UBA3: variants seen among roughly 807,000 people sequenced by gnomAD.
UBA3 encodes NEDD8-activating enzyme E1 catalytic subunit.
Under a neutral mutation model 73.5 loss-of-function variants are expected in UBA3, and 26 were observed. The observed-to-expected ratio is 0.35, with a 90% confidence interval of 0.26 to 0.49. The LOEUF (loss-of-function observed/expected upper bound fraction) is 0.49. Among genes scored for constraint, UBA3 ranks in the 20% least tolerant of loss-of-function variants. The probability of loss-of-function intolerance (pLI) is 0.98; values close to 1 mark genes in which losing one functional copy is unlikely to be tolerated. For missense variants in UBA3, 495 were observed against 555.6 expected, an observed-to-expected ratio of 0.89 and a Z score of 1.10; for synonymous variants, 217 against 191.2, an observed-to-expected ratio of 1.13 and a Z score of -1.11.
chr3:69,068,140 G>A (rs2092089381), intron 5 of UBA3, 132 bp from the exon 6 acceptor site: 1 of 589,978 alleles, frequency 1.7e-6, no homozygotes, highest in East Asian at 3.4e-5. Context: ...TTTTGCCTAA[G>A]TATTTTGATT....
chr3:69,062,537 C>A (rs1479593628), intron 9 of UBA3, among the ~76,000 whole-genome samples: 1 of 152,078 alleles, frequency 6.6e-6, no homozygotes, highest in African/African-American at 2.4e-5. Flanking sequence ...TTAAGTGAAT[C>A]CCAAGTGAAT....
intron 6 of UBA3, among the ~76,000 whole-genome samples, chr3:69,064,944 T>G (rs565142288): frequency 6.6e-6 from 1 of 152,132 alleles, no homozygotes; most frequent in Non-Finnish European, 1.5e-5. Context: ...AAAGGGACAA[T>G]ACATGCTTCC....
At chr3:69,077,117 T>A (rs1166866134) in intron 3 of UBA3, among the ~76,000 whole-genome samples, 1 of 151,802 alleles carries the variant, frequency 6.6e-6, no homozygotes, top group Non-Finnish European at 1.5e-5. Flanking sequence ...CTTTTTTTTT[T>A]TTTTATTTTT....
chr3:69,077,619 C>G, intron 3 of UBA3, 179 bp downstream of exon 3: 1 of 647,164 alleles, frequency 1.5e-6, no homozygotes, highest in Non-Finnish European at 2.3e-6. Context: ...AATGTTAAGA[C>G]TCAAATATTC....
intron 3 of UBA3, chr3:69,077,281 G>A (rs1267639879): frequency 1.3e-5 from 2 of 151,926 alleles, no homozygotes; most frequent in East Asian, 3.9e-4. Context: ...ATAAAGATGT[G>A]CTATACTTTT....
chr3:69,072,476 A>G (rs2092128373), intron 4 of UBA3, among the ~76,000 whole-genome samples: 1 of 152,204 alleles, frequency 6.6e-6, no homozygotes, highest in African/African-American at 2.4e-5. Context: ...GCTAACTCCA[A>G]TGACCAATTC....
intron 2 of UBA3, among the ~76,000 whole-genome samples, chr3:69,078,649 T>A (rs1005265629): frequency 6.6e-6 from 1 of 152,144 alleles, no homozygotes; most frequent in African/African-American, 2.4e-5. Context: ...AATTTTTGTA[T>A]TTTTAGTAGA....
At chr3:69,066,847 A>C (rs1462124070) in intron 6 of UBA3, among the ~76,000 whole-genome samples, 1 of 152,182 alleles carries the variant, frequency 6.6e-6, no homozygotes, top group Non-Finnish European at 1.5e-5. Flanking sequence ...TTTGTTGAAG[A>C]CTATGCTTCT....
chr3:69,079,225 ACT>A (rs1171125363), intron 2 of UBA3, among the ~76,000 whole-genome samples: 1 of 152,166 alleles, frequency 6.6e-6, no homozygotes, highest in Non-Finnish European at 1.5e-5. Context: ...CACACAGAAG[ACT>A]CAGTACAGTA....
Position 69,077,818 on chromosome 3 carries a change from C to G in UBA3, c.163G>C (p.Asp55His). 1 of 1,613,494 alleles carries G rather than the reference C, an allele frequency of 6.2e-7. No homozygotes were observed. The highest frequency in any genetic ancestry group is 8.5e-7 in the Non-Finnish European group (1 of 1,179,702). The change falls in exon 3 of 18, where the codon GAT becomes CAT. Residue 55 changes from aspartate (D) to histidine (H), a missense_variant. Transcript: ENST00000361055. ...CTCACTTCAGTGCTCGGTTCGAAATCAGGGTGTGTGAAGGGTCCAGATCGC... is the reference window on the plus strand; with the variant it reads ...CTCACTTCAGTGCTCGGTTCGAAATGAGGGTGTGTGAAGGGTCCAGATCGC... ...LERSGPFTHPDFEPSTESLQF... is the reference protein window; with the variant it reads ...LERSGPFTHPHFEPSTESLQF...
intron 4 of UBA3, among the ~76,000 whole-genome samples, chr3:69,074,477 T>A (rs2107499406): frequency 6.6e-6 from 1 of 152,368 alleles, no homozygotes; most frequent in East Asian, 1.9e-4. Flanking sequence ...GAAGTATATT[T>A]AAGTTTTTAC....
Position 69,055,986 on chromosome 3 carries a change from T to C in UBA3, c.1248+14A>G, listed in dbSNP as rs749643507. ...ATAATTTTCTGAAAAAAATTTAAAA[T>C]ACACATTGATAACCTGTAAGTAAAG... On this transcript the variant is annotated intron_variant, in intron 16 of 17. Transcript: ENST00000361055. 6.2e-7 allele frequency: 1 copy of C among 1,602,182 alleles called. No homozygotes were observed. The highest frequency in any genetic ancestry group is 1.1e-5 in the South Asian group (1 of 88,552).
At chr3:69,065,321 G>A (rs1025787220) in intron 6 of UBA3, among the ~76,000 whole-genome samples, 3 of 150,262 alleles carry the variant, frequency 2.0e-5, no homozygotes, top group East Asian at 2.0e-4. Context: ...ATATAGATTC[G>A]CAGTAAGTTG....
chr3:69,075,089 C>T (rs2092153871), intron 4 of UBA3: 1 of 154,772 alleles, frequency 6.5e-6, no homozygotes, highest in South Asian at 2.0e-4. Flanking sequence ...TTATTTGAAA[C>T]TATACATTAA....
chr3:69,070,975 A>C (rs1346639631), intron 5 of UBA3: 1 of 152,460 alleles, frequency 6.6e-6, no homozygotes, highest in African/African-American at 2.4e-5. Flanking sequence ...ATCTTTAACA[A>C]ATCACTCCTT....
intron 4 of UBA3, 113 bp from the exon 5 acceptor site, chr3:69,071,730 A>T: frequency 1.6e-6 from 1 of 630,258 alleles, no homozygotes; most frequent in Non-Finnish European, 2.6e-6. Context: ...AATTCTGTGT[A>T]ATTTGTATTC....
intron 2 of UBA3, among the ~76,000 whole-genome samples, chr3:69,078,676 T>C (rs568354918): frequency 5.9e-5 from 9 of 152,136 alleles, no homozygotes; most frequent in Non-Finnish European, 1.0e-4. Context: ...TTTCGCCATG[T>C]TGCACAGGCT....
chr3:69,058,915 C>G (rs2091999302), intron 11 of UBA3, among the ~76,000 whole-genome samples: 1 of 152,104 alleles, frequency 6.6e-6, no homozygotes, highest in African/African-American at 2.4e-5. Flanking sequence ...CACACCAAGC[C>G]CTGGTAAAAG....
intron 11 of UBA3, among the ~76,000 whole-genome samples, chr3:69,059,787 C>T (rs1454737861): frequency 6.6e-6 from 1 of 151,866 alleles, no homozygotes; most frequent in Non-Finnish European, 1.5e-5. Context: ...TCTGGTGAAC[C>T]TGGTAATGAT....
Sources: gnomAD v4.1 joint callset for allele counts (sites outside exome capture counted in the v4.1 genomes callset) on GRCh38, gnomAD v4.1.1 for gene constraint, MANE v1.5 for transcripts, NCBI Gene and HGNC (gene_info 2026-07-23, HGNC 2026-07-21) for gene names.